Variants in TYK2 observed in about 807,000 individuals in gnomAD.
The protein encoded by TYK2 is tyrosine kinase 2.
A neutral mutation model predicts 130.9 loss-of-function variants in TYK2; 65 were observed. The ratio of observed to expected loss-of-function variants is 0.50; its 90% CI spans 0.41 to 0.61. The LOEUF (loss-of-function observed/expected upper bound fraction) is 0.61. TYK2 is among the 20% of genes least tolerant of loss of function. The pLI is 0.00. For missense variants in TYK2, 1,378 were observed against 1,610.7 expected, an observed-to-expected ratio of 0.86 and a Z score of 2.47; for synonymous variants, 647 against 658.9, an observed-to-expected ratio of 0.98 and a Z score of 0.28.
At position 10,368,052 on chromosome 19, in the gene TYK2, T is replaced by A. The variant is rs909621375; in HGVS notation, c.465+3A>T. 2 of 1,614,088 alleles carry A rather than the reference T, an allele frequency of 1.2e-6. No individual in the cohort carries two copies. Among genetic ancestry groups the A allele is most frequent in the Non-Finnish European group, 1.7e-6 (2 of 1,179,994 alleles). On this transcript the variant is annotated splice_donor_region_variant and intron_variant, in intron 5 of 24. Coordinates refer to ENST00000525621, the MANE Select transcript of TYK2 (RefSeq NM_003331.5). ...AGTCTTGCCACCCCAGCCCTGCTCA[T>A]ACCTGCTCAAAGAGGTACTCAAATG... is the stretch of plus-strand genomic sequence containing the variant.
chr19:10,373,855 G>A (rs1336471805), intron 3 of TYK2, among the ~76,000 whole-genome samples: 1 of 151,918 alleles, frequency 6.6e-6, no homozygotes, highest in East Asian at 1.9e-4. Context: ...TGATACCCCA[G>A]TCACCCTGAA....
Position 10,364,478 on chromosome 19 carries a change from C to T in TYK2, c.1367+136G>A, listed in dbSNP as rs187190655. 3 of 992,226 alleles carry T rather than the reference C, an allele frequency of 3.0e-6. No individual in the cohort carries two copies. The highest frequency in any genetic ancestry group is 2.2e-5 in the Admixed American group (1 of 44,864). The allele number at this position is 992,226 out of a possible 1,614,324, so 61.5% of individuals were successfully genotyped here. A position where few individuals can be genotyped will look rare whatever the true frequency, so the allele number is the denominator to read the frequency against. ...GCAGTGAGCTGAGATCATGCCACTGCACTCCAGTTTGGGCGACAAAAAATA... is the reference window on the plus strand; with the variant it reads ...GCAGTGAGCTGAGATCATGCCACTGTACTCCAGTTTGGGCGACAAAAAATA... On this transcript the variant is annotated intron_variant, in intron 9 of 24. Coordinates refer to ENST00000525621, the MANE Select transcript of TYK2 (RefSeq NM_003331.5). The surrounding 1 kb of genome is among the most constrained non-coding windows in gnomAD (Gnocchi z 4.9).
intron 3 of TYK2, among the ~76,000 whole-genome samples, chr19:10,372,458 C>CTATATATATATATATATATATATATA (rs569826524): frequency 2.8e-4 from 13 of 45,970 alleles, no homozygotes; most frequent in Non-Finnish European, 3.8e-4. Context: ...CCACACACAG[C>CTATATATATATATATATATATATATA]TATATATATA....
chr19:10,352,935 G>C lies in TYK2; in HGVS notation c.3191C>G (p.Pro1064Arg), dbSNP rs1300605416. The change falls in exon 22 of 25, where the codon CCC (proline) becomes CGC (arginine). Residue 1064 changes from proline (P) to arginine (R), a missense_variant. Coordinates refer to ENST00000525621, the MANE Select transcript of TYK2 (RefSeq NM_003331.5). Reference sequence around the variant, plus strand: ...CACCCCGCCTGGTCACCAGAACACGGGGCTGTCCCCATCCTCGCGCACGCG... The same window carrying C: ...CACCCCGCCTGGTCACCAGAACACGCGGCTGTCCCCATCCTCGCGCACGCG... ...YYRVREDGDS[P>R]VFWYAPECLK... 6.2e-7 allele frequency: 1 copy of C among 1,607,216 alleles called. No homozygotes were observed. Among genetic ancestry groups the C allele is most frequent in the Non-Finnish European group, 8.5e-7 (1 of 1,177,346 alleles).
At chr19:10,379,030 T>C (rs951838011) in intron 2 of TYK2, among the ~76,000 whole-genome samples, 3 of 152,106 alleles carry the variant, frequency 2.0e-5, no homozygotes, top group Non-Finnish European at 4.4e-5. Flanking sequence ...GGCTAATTTT[T>C]GTATTTTTAG....
At chr19:10,370,492 G>A (rs2041868216) in intron 3 of TYK2, among the ~76,000 whole-genome samples, 2 of 141,310 alleles carry the variant, frequency 1.4e-5, no homozygotes, top group Admixed American at 1.5e-4. Context: ...CCAGCCTGGC[G>A]ACACAGCAAG....
intron 3 of TYK2, among the ~76,000 whole-genome samples, chr19:10,377,748 AGGTGGGTGGATG>A (rs1568346904): frequency 1.6e-4 from 1 of 6,264 alleles, no homozygotes. Context: ...GTGGGTGGAT[AGGTGGGTGGATG>A]GGTGGGTGAG....
chr19:10,367,480 C>T (rs8100910), intron 5 of TYK2, among the ~76,000 whole-genome samples: 12,840 of 151,898 alleles, frequency 0.085, 587 homozygotes, highest in Middle Eastern at 0.15. Flanking sequence ...GAAAAATTAG[C>T]CTGGGGTGGT....
intron 3 of TYK2, among the ~76,000 whole-genome samples, chr19:10,372,347 A>G (rs1328603905): frequency 9.1e-4 from 128 of 140,706 alleles, no homozygotes; most frequent in Middle Eastern, 3.8e-3. Context: ...AGGCTGGAAT[A>G]CAGTGGTGCA....
chr19:10,376,659 G>A (rs2042130785), intron 3 of TYK2, among the ~76,000 whole-genome samples: 1 of 148,100 alleles, frequency 6.8e-6, no homozygotes, highest in Admixed American at 6.8e-5. Context: ...CTGGAGTGCA[G>A]TGCTGTGATC....
Position 10,362,413 on chromosome 19 carries a change from A to G in TYK2, c.1520T>C (p.Ile507Thr). Reference sequence around the variant, plus strand: ...CACGAAGGCCCCGTCCTGCTGCTCAATGGGGAACTTTCGGAGCCGCAAGCT... The same window carrying G: ...CACGAAGGCCCCGTCCTGCTGCTCAGTGGGGAACTTTCGGAGCCGCAAGCT... ...MQSLRLRKFP[I>T]EQQDGAFVLE... The change falls in exon 11 of 25, where the codon ATT (isoleucine) becomes ACT (threonine). Residue 507 changes from isoleucine (I) to threonine (T), a missense_variant. Coordinates refer to ENST00000525621, the MANE Select transcript of TYK2 (RefSeq NM_003331.5). The G allele has an allele frequency of 6.2e-7, 1 of 1,611,764 alleles. No individual in the cohort carries two copies. The highest frequency in any genetic ancestry group is 8.5e-7 in the Non-Finnish European group (1 of 1,178,424).
rs2041121626 is a variant in TYK2 at position 10,356,699 on chromosome 19, C to A, written c.2486G>T (p.Arg829Met). 6.2e-7 allele frequency: 1 copy of A among 1,609,986 alleles called. No individual in the cohort carries two copies. The highest frequency in any genetic ancestry group is 2.2e-5 in the East Asian group (1 of 44,752). The change falls in exon 18 of 25, where the codon AGG becomes ATG. Residue 829 changes from arginine to methionine, a missense_variant. Physicochemically the swap from Arg to Met is moderately conservative, Grantham distance 91. Coordinates refer to ENST00000525621, the MANE Select transcript of TYK2 (RefSeq NM_003331.5). Reference protein sequence around the residue: ...SPSEKEHFYQRQHRLPEPSCP... With the variant: ...SPSEKEHFYQMQHRLPEPSCP... ...GGAGGGCTCGGGCAGCCGGTGCTGCCTCTGGTAGAAATGCTCCTTCTGTTG... is the reference window on the plus strand; with the variant it reads ...GGAGGGCTCGGGCAGCCGGTGCTGCATCTGGTAGAAATGCTCCTTCTGTTG...
chr19:10,372,571 C>G (rs2041966004), intron 3 of TYK2, among the ~76,000 whole-genome samples: 1 of 141,844 alleles, frequency 7.1e-6, no homozygotes, highest in South Asian at 2.3e-4. Flanking sequence ...TAGCTTCAAC[C>G]TCCCGGGCTC....
chr19:10,359,077 A>G, intron 15 of TYK2, 98 bp downstream of exon 15: 5 of 1,507,482 alleles, frequency 3.3e-6, no homozygotes, highest in Non-Finnish European at 4.5e-6. Context: ...AAAACAAACA[A>G]AAAAGATGGG....
chr19:10,351,419 G>A (rs1431758802), intron 23 of TYK2: 24 of 406,700 alleles, frequency 5.9e-5, no homozygotes, highest in South Asian at 4.0e-4. Context: ...CCTGGGAGGC[G>A]GAGGTTGCAG....
rs1599326544 is a variant in TYK2, at chr19:10,352,952, G to A, written c.3174C>T (p.Arg1058=). ...AGAACACGGGGCTGTCCCCATCCTCGCGCACGCGGTAGTACTCGTGGCCTT... is the reference window on the plus strand; with the variant it reads ...AGAACACGGGGCTGTCCCCATCCTCACGCACGCGGTAGTACTCGTGGCCTT... ...VPEGHEYYRV[R]EDGDSPVFWY... is the part of the protein sequence containing the mutation. The change falls in exon 22 of 25, where the codon CGC becomes CGT. Residue 1058 remains arginine (R), a synonymous_variant. Coordinates refer to ENST00000525621, the MANE Select transcript of TYK2 (RefSeq NM_003331.5). The A allele has an allele frequency of 1.9e-6, 3 of 1,607,962 alleles. No homozygotes were observed. The highest frequency in any genetic ancestry group is 2.2e-5 in the East Asian group (1 of 44,772).
intron 3 of TYK2, chr19:10,369,615 C>A: frequency 2.5e-6 from 1 of 404,106 alleles, no homozygotes; most frequent in Non-Finnish European, 4.9e-6. Flanking sequence ...CCTGCTCTTC[C>A]TGCACCCTCC....
chr19:10,372,199 T>G (rs1349996112), intron 3 of TYK2, among the ~76,000 whole-genome samples: 1 of 151,236 alleles, frequency 6.6e-6, no homozygotes, highest in African/African-American at 2.4e-5. Context: ...TTCACCGTGT[T>G]AGCCAGGACG....
rs769104398 is a variant in TYK2, at chr19:10,359,317, C to T, written c.2048-15G>A. 1 of 1,609,434 alleles carries T rather than the reference C, an allele frequency of 6.2e-7. No individual in the cohort carries two copies. On this transcript the variant is annotated splice_polypyrimidine_tract_variant and intron_variant, in intron 14 of 24. Coordinates refer to ENST00000525621, the MANE Select transcript of TYK2 (RefSeq NM_003331.5). ...CACCATGATATCTGTAAAGACACAG[C>T]TGCTCTGGGGCAACCTGCCTGCTTC...
Sources: allele counts gnomAD v4.1 joint callset (sites outside exome capture counted in the v4.1 genomes callset), GRCh38; gene constraint gnomAD v4.1.1; non-coding constraint Gnocchi (gnomAD v3.1); transcripts MANE v1.5; gene names NCBI Gene and HGNC (gene_info 2026-07-23, HGNC 2026-07-21).